Variants in HEATR5A observed in about 807,000 individuals in gnomAD.
HEATR5A encodes the protein HEAT repeat-containing protein 5A.
In HEATR5A, 178 loss-of-function variants were observed where a neutral mutation model predicts 218.8. The observed-to-expected ratio is 0.81, with a 90% confidence interval of 0.72 to 0.92. HEATR5A has a LOEUF of 0.92. Among genes scored for constraint, HEATR5A ranks in the 40% least tolerant of loss-of-function variants. The probability of loss-of-function intolerance (pLI) is 0.00; values close to 1 mark genes in which losing one functional copy is unlikely to be tolerated. For missense variants in HEATR5A, 2,420 were observed against 2,418.9 expected (o/e 1.00, Z -0.01); for synonymous variants, 864 against 871.6 (o/e 0.99, Z 0.15).
intron 16 of HEATR5A, among the ~76,000 whole-genome samples, chr14:31,354,297 T>C (rs1901343106): frequency 6.6e-6 from 1 of 152,274 alleles, no homozygotes; most frequent in East Asian, 1.9e-4. Flanking sequence ...GTTATAAAAA[T>C]ACGTAAGGTT....
chr14:31,396,133 G>A (rs1234215727), intron 4 of HEATR5A, among the ~76,000 whole-genome samples: 1 of 152,110 alleles, frequency 6.6e-6, no homozygotes, highest in South Asian at 2.1e-4. Context: ...AAGGTGGGCC[G>A]ATTGCTTGAG....
chr14:31,364,577 T>C lies in HEATR5A; in HGVS notation c.1962-279A>G, dbSNP rs76574167. On this transcript the variant is annotated intron_variant, in intron 13 of 35. Coordinates refer to ENST00000543095, the MANE Select transcript of HEATR5A (RefSeq NM_015473.4). ...TGGGAACTACAGGGTTGCACTACCA[T>C]GCCTGGCTAATTTTATTTTGTATTT... is the stretch of plus-strand genomic sequence containing the variant. 7.7e-3 allele frequency among the ~76,000 whole-genome samples: 1,174 copies of C among 152,176 alleles called. 8 individuals carry two copies. Among genetic ancestry groups the C allele is most frequent in the Non-Finnish European group, 9.6e-3 (656 of 67,990 alleles).
chr14:31,366,166 T>A (rs1901794639), intron 13 of HEATR5A, among the ~76,000 whole-genome samples: 1 of 152,098 alleles, frequency 6.6e-6, no homozygotes. Context: ...TCCAGCACTT[T>A]GGGAGGCTGA....
chr14:31,406,625 T>A (rs576435321), intron 1 of HEATR5A, among the ~76,000 whole-genome samples: 1 of 152,258 alleles, frequency 6.6e-6, no homozygotes, highest in South Asian at 2.1e-4. Flanking sequence ...CACAACATAC[T>A]ATGCTGCCAC....
At chr14:31,313,464 G>T (rs1180725883) in intron 27 of HEATR5A, among the ~76,000 whole-genome samples, 2 of 151,990 alleles carry the variant, frequency 1.3e-5, no homozygotes, top group Non-Finnish European at 2.9e-5. Context: ...ATTATATCAC[G>T]GCACTCTTTC....
Position 31,383,534 on chromosome 14 carries a change from T to C in HEATR5A, c.1583A>G (p.His528Arg). 1 of 1,611,592 alleles carries C rather than the reference T, an allele frequency of 6.2e-7. No homozygotes were observed. Among genetic ancestry groups the C allele is most frequent in the Non-Finnish European group, 8.5e-7 (1 of 1,177,984 alleles). ...TGAAATCATTACCTTGCCTTTTCCA[T>C]GAGGAATTCCTAAAGGACAATGTTT... is the stretch of plus-strand genomic sequence containing the variant. ...AVKHCPLGIPHGKGKIIMTLA... is the reference protein window; with the variant it reads ...AVKHCPLGIPRGKGKIIMTLA... Residue 528 changes from histidine to arginine, a missense_variant, in exon 10 of 36, where the codon CAT (histidine) becomes CGT (arginine). His to Arg is a conservative substitution (Grantham distance 29, BLOSUM62 0). Transcript: ENST00000543095.
chr14:31,331,672 T>C (rs192847499), intron 22 of HEATR5A, among the ~76,000 whole-genome samples: 4 of 152,206 alleles, frequency 2.6e-5, no homozygotes, highest in African/African-American at 9.6e-5. Context: ...CTGGGTAATT[T>C]ATAAAGGAAA....
At chr14:31,375,152 C>G (rs1288173612) in intron 11 of HEATR5A, among the ~76,000 whole-genome samples, 184 bp from the exon 12 acceptor site, 3 of 152,138 alleles carry the variant, frequency 2.0e-5, no homozygotes, top group East Asian at 1.9e-4. Context: ...TGCTGGAGTA[C>G]AGAGAGGAAA....
intron 33 of HEATR5A, among the ~76,000 whole-genome samples, chr14:31,300,158 T>C (rs75624002): frequency 0.036 from 5,447 of 152,214 alleles, 283 homozygotes; most frequent in African/African-American, 0.12. Flanking sequence ...CCCTACTAAT[T>C]GCCATTCACG....
intron 16 of HEATR5A, among the ~76,000 whole-genome samples, chr14:31,355,199 A>C (rs573221050): frequency 0.036 from 1,588 of 44,138 alleles, 19 homozygotes; most frequent in Middle Eastern, 0.12. Context: ...AGATCACCTG[A>C]GGTCAGGAGT....
chr14:31,370,227 A>G (rs144814585), intron 13 of HEATR5A, among the ~76,000 whole-genome samples: 2,449 of 147,856 alleles, frequency 0.017, 147 homozygotes, highest in Admixed American at 0.11. Context: ...CTACGTCTCA[A>G]AAAAAAAAAA....
At chr14:31,343,770 G>A in intron 21 of HEATR5A, 126 bp downstream of exon 21, 1 of 655,576 alleles carries the variant, frequency 1.5e-6, no homozygotes. Context: ...TAGAACTGAG[G>A]GGAAATAGCT....
At chr14:31,365,726 G>A (rs1260751768) in intron 13 of HEATR5A, among the ~76,000 whole-genome samples, 2 of 151,820 alleles carry the variant, frequency 1.3e-5, no homozygotes, top group East Asian at 1.9e-4. Context: ...TTGTAGTGGC[G>A]TGATCTCAGC....
At chr14:31,366,277 A>G (rs1901800626) in intron 13 of HEATR5A, among the ~76,000 whole-genome samples, 1 of 152,176 alleles carries the variant, frequency 6.6e-6, no homozygotes, top group Non-Finnish European at 1.5e-5. Context: ...GTGTCTCAAA[A>G]CAAAAACAAA....
intron 13 of HEATR5A, among the ~76,000 whole-genome samples, chr14:31,367,711 C>T (rs1240578239): frequency 6.6e-6 from 1 of 150,780 alleles, no homozygotes; most frequent in Non-Finnish European, 1.5e-5. Flanking sequence ...AGCCACTGTG[C>T]CCAGCCCCAA....
rs1270149676 is a variant in HEATR5A at position 31,371,848 on chromosome 14, A to C, written c.1923T>G (p.Leu641=). 1 of 1,552,982 alleles carries C rather than the reference A, an allele frequency of 6.4e-7. No individual in the cohort carries two copies. ...DLLTEEVTQR[L]LPPLPCAVDL... ...CCACAGCACAAGGAAGTGGTGGAAG[A>C]AGACGCTGAGTTACTTCCTCAGTAA... is the stretch of plus-strand genomic sequence containing the variant. Residue 641 remains leucine (L), a synonymous_variant, in exon 13 of 36, where the codon CTT becomes CTG. Coordinates refer to ENST00000543095, the MANE Select transcript of HEATR5A (RefSeq NM_015473.4).
chr14:31,411,034 C>A (rs2031253240), intron 1 of HEATR5A, among the ~76,000 whole-genome samples: 1 of 152,114 alleles, frequency 6.6e-6, no homozygotes, highest in Non-Finnish European at 1.5e-5. Context: ...CAAACCTATG[C>A]ATATTAAATC....
chr14:31,320,174 A>C, intron 25 of HEATR5A: 2 of 547,586 alleles, frequency 3.7e-6, no homozygotes, highest in South Asian at 1.6e-5. Context: ...AGCACCAGGA[A>C]TGGCGCGGAG....
At chr14:31,355,401 A>G (rs1901389434) in intron 16 of HEATR5A, among the ~76,000 whole-genome samples, 2 of 151,562 alleles carry the variant, frequency 1.3e-5, no homozygotes, top group Admixed American at 1.3e-4. Flanking sequence ...TGACAGAGCA[A>G]AACTCTGTCT....
Sources: allele counts gnomAD v4.1 joint callset (sites outside exome capture counted in the v4.1 genomes callset), GRCh38; gene constraint gnomAD v4.1.1; transcripts MANE v1.5; gene names NCBI Gene and HGNC (gene_info 2026-07-23, HGNC 2026-07-21).